Variants in AHI1 observed in about 807,000 individuals in gnomAD.
AHI1 encodes the protein jouberin.
A neutral mutation model predicts 149.3 loss-of-function variants in AHI1; 123 were observed. The observed-to-expected ratio is 0.82, with a 90% confidence interval of 0.71 to 0.96. The LOEUF is 0.96. Among genes scored for constraint, AHI1 ranks in the 40% least tolerant of loss-of-function variants. The probability of loss-of-function intolerance (pLI) is 0.00; values close to 1 mark genes in which losing one functional copy is unlikely to be tolerated. For missense variants in AHI1, 1,439 were observed against 1,422.7 expected (o/e 1.01, Z -0.18); for synonymous variants, 475 against 459.8 (o/e 1.03, Z -0.42).
At chr6:135,427,359 T>C in intron 19 of AHI1, 52 bp from the exon 20 acceptor site, 1 of 1,469,408 alleles carries the variant, frequency 6.8e-7, no homozygotes, top group Non-Finnish European at 9.3e-7. Context: ...TCTGTATCGA[T>C]AAATCTTCTC....
At chr6:135,424,257 T>C (rs1388946507) in intron 20 of AHI1, among the ~76,000 whole-genome samples, 1 of 152,058 alleles carries the variant, frequency 6.6e-6, no homozygotes, top group East Asian at 1.9e-4. Flanking sequence ...CCCTATGTCA[T>C]AAGATTATTG....
At chr6:135,391,980 G>A (rs1778574881) in intron 23 of AHI1, among the ~76,000 whole-genome samples, 1 of 152,194 alleles carries the variant, frequency 6.6e-6, no homozygotes, top group African/African-American at 2.4e-5. Context: ...GGTAGTAGGG[G>A]AAGTGGAGGT....
At chr6:135,354,316 T>G (rs1344104318) in intron 24 of AHI1, among the ~76,000 whole-genome samples, 1 of 152,110 alleles carries the variant, frequency 6.6e-6, no homozygotes, top group Non-Finnish European at 1.5e-5. Flanking sequence ...TCATATTAGT[T>G]TTCACTGGAA....
chr6:135,390,511 C>T (rs913229397), intron 23 of AHI1, among the ~76,000 whole-genome samples: 4 of 152,070 alleles, frequency 2.6e-5, no homozygotes, highest in East Asian at 1.9e-4. Context: ...GGCAGGACAA[C>T]GAATGAAGGA....
chr6:135,374,674 C>A (rs1018483287), intron 23 of AHI1, among the ~76,000 whole-genome samples: 1 of 151,942 alleles, frequency 6.6e-6, no homozygotes, highest in African/African-American at 2.4e-5. Flanking sequence ...GAGAATATTT[C>A]ACTTATAAGG....
chr6:135,289,167 G>GA (rs1236566530), intron 28 of AHI1, among the ~76,000 whole-genome samples: 2 of 149,894 alleles, frequency 1.3e-5, no homozygotes, highest in African/African-American at 5.1e-5. Context: ...TTTTCTTGTT[G>GA]AAAAAGCTCC....
chr6:135,312,199 G>C (rs1253183555), intron 26 of AHI1, among the ~76,000 whole-genome samples: 1 of 152,086 alleles, frequency 6.6e-6, no homozygotes, highest in Non-Finnish European at 1.5e-5. Context: ...ATGAAGAAGG[G>C]TACAATGAAA....
chr6:135,403,671 A>G (rs1007504012), intron 22 of AHI1, among the ~76,000 whole-genome samples: 11 of 152,206 alleles, frequency 7.2e-5, no homozygotes, highest in African/African-American at 2.7e-4. Context: ...CTCTGATTTT[A>G]TACACAATGA....
At chr6:135,495,693 T>C (rs1302614418) in intron 3 of AHI1, 121 bp downstream of exon 3, 3 of 152,320 alleles carry the variant, frequency 2.0e-5, no homozygotes, top group East Asian at 1.9e-4. Context: ...TGCTCTCTTA[T>C]AGTTATGTAT....
rs570289211 is a variant in AHI1 at position 135,409,702 on chromosome 6, T to TC, written c.2961+1645dup. 3.2e-3 allele frequency among the ~76,000 whole-genome samples: 489 copies of TC among 152,174 alleles called. 5 individuals are homozygous for TC. Among genetic ancestry groups the TC allele is most frequent in the African/African-American group, 9.2e-3 (380 of 41,512 alleles). ...TATGTAGATAACCAGTCTTTTTTTC[T>TC]CCCCCCCATTATATCTATGATTTTT... On this transcript the variant is annotated intron_variant, in intron 21 of 28. Transcript: ENST00000265602.
intron 23 of AHI1, among the ~76,000 whole-genome samples, chr6:135,367,454 T>C (rs1312311131): frequency 6.6e-6 from 1 of 152,130 alleles, no homozygotes; most frequent in Non-Finnish European, 1.5e-5. Context: ...AAGTATGTTT[T>C]CCAAACTTTT....
At chr6:135,440,208 C>T (rs1786061894) in intron 14 of AHI1, among the ~76,000 whole-genome samples, 1 of 152,080 alleles carries the variant, frequency 6.6e-6, no homozygotes, top group Admixed American at 6.6e-5. Flanking sequence ...GTCTGGCCCT[C>T]CAGGAAAGAT....
At chr6:135,287,980 AGCT>A (rs1161704959) in intron 28 of AHI1, among the ~76,000 whole-genome samples, 1 of 152,014 alleles carries the variant, frequency 6.6e-6, no homozygotes, top group Non-Finnish European at 1.5e-5. Context: ...CTGTAATCCC[AGCT>A]ACTCGGGAGG....
intron 22 of AHI1, among the ~76,000 whole-genome samples, chr6:135,400,101 G>C (rs908982148): frequency 6.6e-6 from 1 of 151,722 alleles, no homozygotes; most frequent in East Asian, 1.9e-4. Context: ...TTTTGTGTTT[G>C]TAAGTTCTCA....
chr6:135,318,636 T>C lies in AHI1; in HGVS notation c.3329-20A>G, dbSNP rs1004117268. 5.2e-6 allele frequency: 8 copies of C among 1,530,386 alleles called. No individual in the cohort carries two copies. In the African/African-American group the frequency reaches 8.2e-5, roughly 16 times the overall value. 94.8% of individuals were successfully genotyped at this position (1,530,386 alleles called of 1,614,324 possible). A position where few individuals can be genotyped will look rare whatever the true frequency, so the allele number is the denominator to read the frequency against. ...ACAGTGCTGAAATTGGAAAAAGGAA[T>C]TCATGTAATCAAATTGAGGAGCACT... On this transcript the variant is annotated intron_variant, in intron 25 of 28. Transcript: ENST00000265602.
chr6:135,472,289 T>G (rs904199222), intron 5 of AHI1, among the ~76,000 whole-genome samples: 1 of 152,196 alleles, frequency 6.6e-6, no homozygotes, highest in East Asian at 1.9e-4. Flanking sequence ...TTATACCATC[T>G]ATAGCCTTTT....
At chr6:135,449,882 T>C (rs1005554700) in intron 11 of AHI1, among the ~76,000 whole-genome samples, 8 of 152,210 alleles carry the variant, frequency 5.3e-5, no homozygotes, top group African/African-American at 1.4e-4. Context: ...CAAACAGCCA[T>C]GTGACTTGTA....
rs1179399628 is a variant in AHI1, at chr6:135,453,425, G to T, written c.1356C>A (p.Phe452Leu). The T allele has an allele frequency of 6.4e-6, 10 of 1,551,220 alleles. No homozygotes were observed. Among genetic ancestry groups the T allele is most frequent in the Middle Eastern group, 1.7e-4 (1 of 5,988 alleles). Residue 452 changes from phenylalanine to leucine, a missense_variant, in exon 11 of 29, where the codon TTC (phenylalanine) becomes TTA (leucine). Transcript: ENST00000265602. Reference protein sequence around the residue: ...KVILFFEILDFLSVDEIKNNS... With the variant: ...KVILFFEILDLLSVDEIKNNS... ...TATTCTTAATTTCATCCACGCTTAA[G>T]AAATCAAGAATCTGCAAATAAATTC...
chr6:135,443,209 T>C (rs1296029055), intron 13 of AHI1, among the ~76,000 whole-genome samples: 1 of 152,238 alleles, frequency 6.6e-6, no homozygotes, highest in Admixed American at 6.5e-5. Flanking sequence ...AAATGTATTT[T>C]CAAAGTAATC....
Sources: gnomAD v4.1 joint callset for allele counts (sites outside exome capture counted in the v4.1 genomes callset) on GRCh38, gnomAD v4.1.1 for gene constraint, MANE v1.5 for transcripts, NCBI Gene and HGNC (gene_info 2026-07-23, HGNC 2026-07-21) for gene names.